The following PRTG variants were observed in gnomAD, a reference collection of about 807,000 sequenced individuals.
PRTG encodes the protein immunoglobulin superfamily, DCC subclass, member 5.
PRTG carries 67 observed loss-of-function variants against 122.5 expected under a neutral mutation model. The ratio of observed to expected loss-of-function variants is 0.55; its 90% CI spans 0.45 to 0.67. PRTG has a LOEUF of 0.67. Ranked by LOEUF, PRTG falls within the 30% of genes least tolerant of loss-of-function variation. The pLI is 0.00. For missense variants in PRTG, 1,435 were observed against 1,415.4 expected (o/e 1.01, Z -0.22); for synonymous variants, 554 against 501.1 (o/e 1.11, Z -1.41).
intron 2 of PRTG, among the ~76,000 whole-genome samples, chr15:55,724,172 A>C (rs2030941752): frequency 6.6e-6 from 1 of 152,078 alleles, no homozygotes; most frequent in Non-Finnish European, 1.5e-5. Flanking sequence ...GAATGCTTTT[A>C]TATGTCTGCT....
intron 11 of PRTG, chr15:55,654,986 T>C (rs2059372445): frequency 6.6e-6 from 1 of 152,136 alleles, no homozygotes; most frequent in African/African-American, 2.4e-5. Flanking sequence ...AAAACAAGCT[T>C]ACAAAATGAG....
chr15:55,691,968 T>C (rs2059605285), intron 2 of PRTG, among the ~76,000 whole-genome samples: 1 of 150,900 alleles, frequency 6.6e-6, no homozygotes, highest in African/African-American at 2.4e-5. Flanking sequence ...GCCCAGGAGG[T>C]TGAGTCTGCA....
chr15:55,724,054 T>A (rs1446653222), intron 2 of PRTG, among the ~76,000 whole-genome samples: 1 of 152,134 alleles, frequency 6.6e-6, no homozygotes, highest in Admixed American at 6.6e-5. Flanking sequence ...CCTGGCTGAT[T>A]TTAATCTTTT....
intron 2 of PRTG, among the ~76,000 whole-genome samples, chr15:55,738,017 T>TACACAC (rs1261017143): frequency 9.6e-5 from 11 of 114,824 alleles, no homozygotes; most frequent in African/African-American, 2.1e-4. Flanking sequence ...TATATATATA[T>TACACAC]ATATATATAC....
intron 11 of PRTG, among the ~76,000 whole-genome samples, chr15:55,648,740 T>G (rs1311177781): frequency 2.0e-5 from 3 of 152,142 alleles, no homozygotes; most frequent in Non-Finnish European, 4.4e-5. Flanking sequence ...GAAATAGCAG[T>G]AAAAAGAAGG....
At chr15:55,710,132 C>A (rs914704659) in intron 2 of PRTG, among the ~76,000 whole-genome samples, 33 of 152,194 alleles carry the variant, frequency 2.2e-4, no homozygotes, top group Middle Eastern at 3.4e-3. Context: ...GAACTAAGCA[C>A]TTAATATTTT....
chr15:55,685,001 C>A (rs1454613606), intron 2 of PRTG, among the ~76,000 whole-genome samples: 1 of 152,108 alleles, frequency 6.6e-6, no homozygotes, highest in Non-Finnish European at 1.5e-5. Context: ...TGTCCATGAT[C>A]ACATTTTGAG....
chr15:55,716,532 T>C (rs540164738), intron 2 of PRTG, among the ~76,000 whole-genome samples: 1 of 152,248 alleles, frequency 6.6e-6, no homozygotes, highest in African/African-American at 2.4e-5. Flanking sequence ...AGCTGCAACA[T>C]CTCCATAATA....
intron 11 of PRTG, among the ~76,000 whole-genome samples, chr15:55,670,496 A>T (rs1409230567): frequency 6.6e-6 from 1 of 152,218 alleles, no homozygotes; most frequent in Non-Finnish European, 1.5e-5. Context: ...AGAAGCCATG[A>T]CTAGGAATAA....
chr15:55,726,616 T>C (rs1461328674), intron 2 of PRTG, among the ~76,000 whole-genome samples: 6 of 145,178 alleles, frequency 4.1e-5, no homozygotes, highest in Non-Finnish European at 9.0e-5. Context: ...GGGTAACAAG[T>C]GTTAACAAGA....
At chr15:55,672,691 C>T (rs1256987629) in intron 10 of PRTG, 58 bp from the exon 11 acceptor site, 2 of 1,331,546 alleles carry the variant, frequency 1.5e-6, no homozygotes, top group South Asian at 1.4e-5. Flanking sequence ...CATAAAGACA[C>T]AGAATAGGGT....
At chr15:55,629,391 G>A (rs28398362) in intron 15 of PRTG, among the ~76,000 whole-genome samples, 5 of 52,922 alleles carry the variant, frequency 9.4e-5, no homozygotes, top group African/African-American at 2.1e-4. Context: ...GTGTGTGTGT[G>A]TGTGTGTGTG....
chr15:55,697,385 C>G (rs1389918442), intron 2 of PRTG, among the ~76,000 whole-genome samples: 2 of 152,226 alleles, frequency 1.3e-5, no homozygotes, highest in East Asian at 3.8e-4. Flanking sequence ...ATGAACTCAA[C>G]AAACCACATC....
intron 11 of PRTG, among the ~76,000 whole-genome samples, chr15:55,643,097 T>G (rs934456755): frequency 6.6e-6 from 1 of 151,720 alleles, no homozygotes; most frequent in African/African-American, 2.4e-5. Context: ...TAAATAAAAT[T>G]CCAGAATAAA....
intron 2 of PRTG, among the ~76,000 whole-genome samples, chr15:55,734,165 G>T (rs1476405953): frequency 1.3e-5 from 2 of 152,182 alleles, no homozygotes; most frequent in African/African-American, 2.4e-5. Context: ...GGCCCAAAAT[G>T]TCAGTTGTGC....
Position 55,624,388 on chromosome 15 carries a change from T to C in PRTG, c.3047A>G (p.Glu1016Gly), listed in dbSNP as rs2059183002. 6.2e-7 allele frequency: 1 copy of C among 1,614,028 alleles called. No homozygotes were observed. The highest frequency in any genetic ancestry group is 1.3e-5 in the African/African-American group (1 of 74,940). The change falls in exon 18 of 20, where the codon GAA becomes GGA. Residue 1016 changes from glutamate to glycine, a missense_variant. Transcript: ENST00000389286. ...KNLEGAVGNE[E>G]SLMPMIMPNS... ...TGGCATGATCATTGGCATTAAAGAT[T>C]CTTCATTTCCTACAGCTCCTTCCAG... is the stretch of plus-strand genomic sequence containing the variant.
Position 55,612,735 on chromosome 15 carries a change from T to TAC in PRTG, c.*7276_*7277insGT. On this transcript the variant is annotated 3_prime_UTR_variant, in exon 20 of 20. Coordinates refer to ENST00000389286, the MANE Select transcript of PRTG (RefSeq NM_173814.6). ...ATATATATATATATATATATATATA[T>TAC]ATATATATATATATGACTTAAATTG... The TAC allele has an allele frequency of 2.0e-5, 1 of 48,896 alleles. No individual in the cohort carries two copies. The highest frequency in any genetic ancestry group is 2.8e-4 in the Admixed American group (1 of 3,624). 3.0% of individuals were successfully genotyped at this position (48,896 alleles called of 1,614,324 possible). A position where few individuals can be genotyped will look rare whatever the true frequency, so the allele number is the denominator to read the frequency against.
intron 2 of PRTG, among the ~76,000 whole-genome samples, chr15:55,704,506 T>C (rs2030013974): frequency 6.6e-6 from 1 of 152,224 alleles, no homozygotes; most frequent in Non-Finnish European, 1.5e-5. Flanking sequence ...TATTTGTTGA[T>C]AAACATTATA....
At chr15:55,728,419 G>C (rs182638620) in intron 2 of PRTG, among the ~76,000 whole-genome samples, 1 of 152,074 alleles carries the variant, frequency 6.6e-6, no homozygotes, top group Non-Finnish European at 1.5e-5. Context: ...GACCAAGTAG[G>C]ATTTATCTCA....
Sources: allele counts gnomAD v4.1 joint callset (sites outside exome capture counted in the v4.1 genomes callset), GRCh38; gene constraint gnomAD v4.1.1; transcripts MANE v1.5; gene names NCBI Gene and HGNC (gene_info 2026-07-23, HGNC 2026-07-21).